PACS1: variants seen among roughly 807,000 people sequenced by gnomAD.
PACS1 encodes the protein phosphofurin acidic cluster sorting protein 1, also known as PACS-1.
In PACS1, 24 loss-of-function variants were observed where a neutral mutation model predicts 115.0. The ratio of observed to expected loss-of-function variants is 0.21; its 90% CI spans 0.15 to 0.29. The LOEUF is 0.29. Ranked by LOEUF, PACS1 falls within the 10% of genes least tolerant of loss-of-function variation. The pLI is 1.00. For synonymous variants in PACS1, 453 were observed against 504.5 expected, an observed-to-expected ratio of 0.90 and a Z score of 1.37; for missense variants, 838 against 1,251.2, an observed-to-expected ratio of 0.67 and a Z score of 4.98.
At chr11:66,181,939 CTT>C (rs1232660836) in intron 1 of PACS1, among the ~76,000 whole-genome samples, 1 of 152,162 alleles carries the variant, frequency 6.6e-6, no homozygotes, top group African/African-American at 2.4e-5. Context: ...GGCAGTTCAC[CTT>C]TTTGAGCACT....
Position 66,229,894 on chromosome 11 carries a change from C to CG in PACS1, c.1375-654_1375-653insG, listed in dbSNP as rs1156293887. Among the ~76,000 whole-genome samples, 827 of 150,726 alleles carry CG rather than the reference C, an allele frequency of 5.5e-3. 10 individuals are homozygous for CG. Among genetic ancestry groups the CG allele is most frequent in the African/African-American group, 0.017 (694 of 41,072 alleles). On this transcript the variant is annotated intron_variant, in intron 11 of 23. Coordinates refer to ENST00000320580, the MANE Select transcript of PACS1 (RefSeq NM_018026.4). ...TTGGGAGGCGGAGGTTGCGGTGAGC[C>CG]AAGGTTGCGCCAAGATTGTGCCACT...
At chr11:66,141,307 CCAGAGA>C (rs1443753960) in intron 1 of PACS1, among the ~76,000 whole-genome samples, 6 of 151,640 alleles carry the variant, frequency 4.0e-5, no homozygotes. Context: ...TTTTTTTTCC[CCAGAGA>C]CAGGGTCTCG....
intron 1 of PACS1, among the ~76,000 whole-genome samples, chr11:66,172,303 A>G (rs1331260479): frequency 1.3e-5 from 2 of 152,128 alleles, no homozygotes; most frequent in African/African-American, 2.4e-5. Context: ...TCACACGCCC[A>G]CACCGAAGAG....
intron 1 of PACS1, among the ~76,000 whole-genome samples, chr11:66,081,406 T>TCCATCTTCC (rs1554974173): frequency 5.5e-4 from 83 of 152,142 alleles, no homozygotes; most frequent in African/African-American, 2.0e-3. Flanking sequence ...ACCTAATTTC[T>TCCATCTTCC]CCGTCTTCCC....
At chr11:66,196,072 A>T (rs10791854) in intron 2 of PACS1, among the ~76,000 whole-genome samples, 31,377 of 152,052 alleles carry the variant, frequency 0.21, 3,325 homozygotes, top group Middle Eastern at 0.28. Context: ...GTGAAATAAG[A>T]AGATAAAAGG....
intron 1 of PACS1, among the ~76,000 whole-genome samples, chr11:66,077,099 G>C (rs886183840): frequency 1.3e-5 from 2 of 152,160 alleles, no homozygotes; most frequent in Non-Finnish European, 2.9e-5. Flanking sequence ...GCAGTCAGCT[G>C]GACCTGTGTT....
chr11:66,244,578 A>C lies in PACS1; in HGVS notation c.*1298A>C, dbSNP rs1169612691. 6.6e-6 allele frequency: 1 copy of C among 152,280 alleles called. No individual in the cohort carries two copies. The highest frequency in any genetic ancestry group is 6.5e-5 in the Admixed American group (1 of 15,274). The allele number at this position is 152,280 out of a possible 1,614,324, so 9.4% of individuals were successfully genotyped here. On this transcript the variant is annotated 3_prime_UTR_variant, in exon 24 of 24. Coordinates refer to ENST00000320580, the MANE Select transcript of PACS1 (RefSeq NM_018026.4). Reference sequence around the variant, plus strand: ...TTTTTGCACAGAACTTCATTTTGAAAGTGTTTTTCTCATTCTCCATACCTC... The same window carrying C: ...TTTTTGCACAGAACTTCATTTTGAACGTGTTTTTCTCATTCTCCATACCTC...
chr11:66,070,903 C>T lies in PACS1; in HGVS notation c.356+61C>T. ...GCGGGGTGGCCGCCGGGGCCCAGCC[C>T]TCCCCGCCCCAGCGCCCATGGGGTC... On this transcript the variant is annotated intron_variant, in intron 1 of 23. Coordinates refer to ENST00000320580, the MANE Select transcript of PACS1 (RefSeq NM_018026.4). This position sits in a 1 kb window ranked among gnomAD's most constrained non-coding sequence, Gnocchi z 5.9. The T allele has an allele frequency of 7.3e-7, 1 of 1,364,068 alleles. No homozygotes were observed. The highest frequency in any genetic ancestry group is 9.4e-7 in the Non-Finnish European group (1 of 1,064,836). 84.5% of individuals were successfully genotyped at this position (1,364,068 alleles called of 1,614,324 possible). A position where few individuals can be genotyped will look rare whatever the true frequency, so the allele number is the denominator to read the frequency against.
intron 1 of PACS1, among the ~76,000 whole-genome samples, chr11:66,179,316 C>T (rs1859946521): frequency 6.6e-6 from 1 of 152,170 alleles, no homozygotes; most frequent in Non-Finnish European, 1.5e-5. Flanking sequence ...TTTTAAAGTA[C>T]ACATTCGAGG....
At chr11:66,083,332 A>C (rs952894064) in intron 1 of PACS1, among the ~76,000 whole-genome samples, 19 of 152,044 alleles carry the variant, frequency 1.2e-4, no homozygotes, top group Non-Finnish European at 2.5e-4. Context: ...AACGCATGTA[A>C]TGTCATTATT....
chr11:66,220,489 T>G (rs1855317659), intron 8 of PACS1, 142 bp from the exon 9 acceptor site: 2 of 753,764 alleles, frequency 2.7e-6, no homozygotes, highest in Non-Finnish European at 4.3e-6. Context: ...GGAAATGACG[T>G]GAAGGTTACT....
chr11:66,230,748 C>T lies in PACS1; in HGVS notation c.1491-57C>T, dbSNP rs1855574160. On this transcript the variant is annotated intron_variant, in intron 12 of 23. Coordinates refer to ENST00000320580, the MANE Select transcript of PACS1 (RefSeq NM_018026.4). ...CAGGGCTGAGGGAAAGCGGGGCTGG[C>T]AGCAGCTTTGGGGTTGGAGGGGCTA... 3.1e-6 allele frequency: 5 copies of T among 1,612,888 alleles called. No individual in the cohort carries two copies. The South Asian group carries it at 5.5e-5, about 18-fold the overall frequency.
chr11:66,200,288 C>T (rs149963021), intron 2 of PACS1, among the ~76,000 whole-genome samples: 3 of 152,140 alleles, frequency 2.0e-5, no homozygotes, highest in African/African-American at 7.2e-5. Context: ...GAGGTTAAGG[C>T]TAAAGTGAGC....
At chr11:66,177,141 C>A (rs2177054) in intron 1 of PACS1, among the ~76,000 whole-genome samples, 29,246 of 152,062 alleles carry the variant, frequency 0.19, 2,898 homozygotes, top group Middle Eastern at 0.28. Context: ...AGGAAGATTT[C>A]TTAGAAAGGG....
chr11:66,193,111 A>C (rs769440692), intron 1 of PACS1, among the ~76,000 whole-genome samples: 1 of 152,196 alleles, frequency 6.6e-6, no homozygotes, highest in Non-Finnish European at 1.5e-5. Context: ...CATACTAGGC[A>C]TGGAGAATAT....
At chr11:66,162,276 C>G (rs1286539296) in intron 1 of PACS1, among the ~76,000 whole-genome samples, 1 of 151,928 alleles carries the variant, frequency 6.6e-6, no homozygotes, top group African/African-American at 2.4e-5. Context: ...CACCCGCCAC[C>G]ACGCCAGGCT....
intron 1 of PACS1, among the ~76,000 whole-genome samples, chr11:66,174,000 C>T (rs10791850): frequency 0.19 from 29,178 of 151,592 alleles, 2,889 homozygotes; most frequent in Middle Eastern, 0.28. Flanking sequence ...TGCAGTGAGT[C>T]GAGATCGTGC....
At position 66,175,161 on chromosome 11, in the gene PACS1, GA is replaced by G. The variant is rs200309361; in HGVS notation, c.357-18316del. 3.4e-4 allele frequency among the ~76,000 whole-genome samples: 45 copies of G among 130,772 alleles called. No homozygotes were observed. In the South Asian group the frequency reaches 9.2e-3, roughly 27 times the overall value. 85.8% of individuals were successfully genotyped at this position (130,772 alleles called of 152,430 possible). On this transcript the variant is annotated intron_variant, in intron 1 of 23. Coordinates refer to ENST00000320580, the MANE Select transcript of PACS1 (RefSeq NM_018026.4). ...TGGGCGACAGAGCAAAACTCTGTCT[GA>G]AAAAAAAAGAAAAAAAAATGGTGAA...
At chr11:66,179,561 T>G (rs1472746990) in intron 1 of PACS1, among the ~76,000 whole-genome samples, 1 of 152,178 alleles carries the variant, frequency 6.6e-6, no homozygotes, top group Non-Finnish European at 1.5e-5. Flanking sequence ...CAGTATAACA[T>G]TCAGTATTAA....
Sources: gnomAD v4.1 joint callset for allele counts (sites outside exome capture counted in the v4.1 genomes callset) on GRCh38, gnomAD v4.1.1 for gene constraint, Gnocchi (gnomAD v3.1) non-coding constraint, MANE v1.5 for transcripts, NCBI Gene and HGNC (gene_info 2026-07-23, HGNC 2026-07-21) for gene names.